Variants in COL5A3 observed in about 807,000 individuals in gnomAD.
COL5A3 encodes the protein collagen alpha-3(V) chain.
COL5A3 carries 172 observed loss-of-function variants against 250.0 expected under a neutral mutation model. The ratio of observed to expected loss-of-function variants is 0.69; its 90% CI spans 0.61 to 0.78. COL5A3 has a LOEUF of 0.78. Among genes scored for constraint, COL5A3 ranks in the 30% least tolerant of loss-of-function variants. The pLI, the probability that COL5A3 is intolerant of heterozygous loss-of-function variation, is 0.00. For synonymous variants in COL5A3, 937 were observed against 900.4 expected (o/e 1.04, Z -0.73); for missense variants, 2,340 against 2,334.4 (o/e 1.00, Z -0.05).
chr19:10,001,793 G>A lies in COL5A3; in HGVS notation c.938C>T (p.Thr313Ile), dbSNP rs866950295. The A allele has an allele frequency of 2.5e-6, 4 of 1,614,100 alleles. No individual in the cohort carries two copies. Among genetic ancestry groups the A allele is most frequent in the Middle Eastern group, 1.6e-4 (1 of 6,062 alleles). ...CTCTAGGATCGTGGCATTGAGTCCA[G>A]TAGTCACAGTGGAGGTGACGACCAA... ...TPLVVTSTVT[T>I]GLNATILERS... Residue 313 changes from threonine to isoleucine, a missense_variant, in exon 7 of 67, where the codon ACT (threonine) becomes ATT (isoleucine). By Grantham distance (89) the Thr-to-Ile change is moderately conservative (BLOSUM62 -1). Transcript: ENST00000264828.
rs1195407609 is a variant in COL5A3 at position 9,966,424 on chromosome 19, C to G, written c.4672G>C (p.Glu1558Gln). Reference sequence around the variant, plus strand: ...CCCTGGTTGGGGTCAATCCAGTATTCCCCTGCCGCAGAGCCAGGCAGGGTG... The same window carrying G: ...CCCTGGTTGGGGTCAATCCAGTATTGCCCTGCCGCAGAGCCAGGCAGGGTG... ...HRNHPHLPDG[E>Q]YWIDPNQGCA... Residue 1558 changes from glutamate to glutamine, a missense_variant and splice_region_variant, in exon 64 of 67, where the codon GAA becomes CAA. This residue lies in a region of COL5A3 where 1,179 missense variants were observed against 1,162.6 expected (regional missense o/e 1.01). Transcript: ENST00000264828. 1.3e-6 allele frequency: 2 copies of G among 1,594,382 alleles called. No homozygotes were observed. The highest frequency in any genetic ancestry group is 2.7e-5 in the African/African-American group (2 of 74,664).
chr19:9,980,166 G>T, intron 35 of COL5A3, 119 bp from the exon 36 acceptor site: 1 of 957,928 alleles, frequency 1.0e-6, no homozygotes, highest in Non-Finnish European at 1.5e-6. Context: ...GCCAGGCATG[G>T]GCAGGGCATT....
chr19:9,964,238 A>G (rs1230134598), intron 64 of COL5A3, among the ~76,000 whole-genome samples: 1 of 152,162 alleles, frequency 6.6e-6, no homozygotes, highest in Non-Finnish European at 1.5e-5. Flanking sequence ...CCAGTGCTTT[A>G]GGTTACAGTG....
In COL5A3 at chr19:9,992,857, G is replaced by A. The variant is rs1296155136; in HGVS notation, c.1818C>T (p.Pro606=). Residue 606 remains proline (P), a synonymous_variant, in exon 21 of 67, where the codon CCC becomes CCT. Transcript: ENST00000264828. Reference sequence around the variant, plus strand: ...GACCCGTGGGGCCAGGAGAGCCTCTGGGGCCAAGCAGTCCTCGTGGACCCT... The same window carrying A: ...GACCCGTGGGGCCAGGAGAGCCTCTAGGGCCAAGCAGTCCTCGTGGACCCT... ...GEPGPRGLLG[P]RGSPGPTGRP... is the part of the protein sequence containing the mutation. The A allele has an allele frequency of 2.4e-5, 39 of 1,614,164 alleles. No individual in the cohort carries two copies. Among genetic ancestry groups the A allele is most frequent in the Non-Finnish European group, 3.2e-5 (38 of 1,179,986 alleles).
At position 9,977,438 on chromosome 19, in the gene COL5A3, T is replaced by C. The variant is rs575305439; in HGVS notation, c.3161A>G (p.Asp1054Gly). The change falls in exon 43 of 67, where the codon GAT (aspartate) becomes GGT (glycine). Residue 1054 changes from aspartate (D) to glycine (G), a missense_variant. Physicochemically the swap from Asp to Gly is moderately conservative, Grantham distance 94 (BLOSUM62 -1). Coordinates refer to ENST00000264828, the MANE Select transcript of COL5A3 (RefSeq NM_015719.4). ...AGGCCCCAGGGGCCCTGGGATCCCA[T>C]CTTTGCCAGTGGGGCCAGGGGGGCC... ...ERGPPGPTGKDGIPGPLGPLG... is the reference protein window; with the variant it reads ...ERGPPGPTGKGGIPGPLGPLG... 17 of 1,523,040 alleles carry C rather than the reference T, an allele frequency of 1.1e-5. No homozygotes were observed. In the African/African-American group the frequency reaches 1.4e-4, roughly 12 times the overall value. The allele number at this position is 1,523,040 out of a possible 1,614,324, so 94.3% of individuals were successfully genotyped here.
chr19:9,973,057 G>T, intron 50 of COL5A3, 31 bp from the exon 51 acceptor site: 1 of 1,555,592 alleles, frequency 6.4e-7, no homozygotes, highest in Non-Finnish European at 8.8e-7. Context: ...GGTCAGAGTG[G>T]CCTGGACTCT....
intron 61 of COL5A3, 89 bp from the exon 62 acceptor site, chr19:9,967,489 ACACACT>A (rs2086769728): frequency 6.1e-6 from 5 of 821,442 alleles, no homozygotes; most frequent in Admixed American, 6.5e-5. Flanking sequence ...ACACTCACAC[ACACACT>A]CACACACACA....
At chr19:9,996,855 G>A in intron 11 of COL5A3, 166 bp from the exon 12 acceptor site, 1 of 599,404 alleles carries the variant, frequency 1.7e-6, no homozygotes. Context: ...GAGAAGTAGA[G>A]AGAAGTGGAA....
intron 11 of COL5A3, 79 bp from the exon 12 acceptor site, chr19:9,996,768 G>C: frequency 9.2e-7 from 1 of 1,091,780 alleles, no homozygotes; most frequent in Non-Finnish European, 1.3e-6. Flanking sequence ...GGCACAGAAG[G>C]ATGAGTCAGA....
chr19:10,001,445 C>A, intron 8 of COL5A3, 79 bp downstream of exon 8: 1 of 1,458,472 alleles, frequency 6.9e-7, no homozygotes, highest in South Asian at 1.4e-5. Flanking sequence ...CTGCGCCCTG[C>A]CTAAATAAAT....
At chr19:10,005,244 C>T (rs958829890) in intron 4 of COL5A3, among the ~76,000 whole-genome samples, 1 of 151,886 alleles carries the variant, frequency 6.6e-6, no homozygotes, top group Admixed American at 6.6e-5. Context: ...GTAATCTCAG[C>T]TACTTGGGAG....
In COL5A3 at chr19:9,986,733, T is replaced by C. The variant is rs1264183481; in HGVS notation, c.2171A>G (p.Gln724Arg). 5 of 1,612,598 alleles carry C rather than the reference T, an allele frequency of 3.1e-6. No homozygotes were observed. Among genetic ancestry groups the C allele is most frequent in the Admixed American group, 1.7e-5 (1 of 59,820 alleles). The change falls in exon 28 of 67, where the codon CAG (glutamine) becomes CGG (arginine). Residue 724 changes from glutamine to arginine, a missense_variant. Physicochemically the swap from Gln to Arg is conservative, Grantham distance 43. Coordinates refer to ENST00000264828, the MANE Select transcript of COL5A3 (RefSeq NM_015719.4). ...CCTCACCTTCTCGCCTTTCTCCCCC[T>C]GGAGGCCCCGGTTGCCTGAAGTGCC... Reference protein sequence around the residue: ...VKGTSGNRGLQGEKGEKGEDG... With the variant: ...VKGTSGNRGLRGEKGEKGEDG...
Position 9,996,056 on chromosome 19 carries a change from C to G in COL5A3, c.1533+10G>C, listed in dbSNP as rs1302646782. The G allele has an allele frequency of 3.2e-6, 5 of 1,563,208 alleles. No individual in the cohort carries two copies. Among genetic ancestry groups the G allele is most frequent in the East Asian group, 2.3e-5 (1 of 44,358 alleles). On this transcript the variant is annotated intron_variant, in intron 15 of 66. Transcript: ENST00000264828. Reference sequence around the variant, plus strand: ...CCCATCCTATCCTGCCCTATCTCCACAAGTCTCACCTGTGGCCCTTCTGCT... The same window carrying G: ...CCCATCCTATCCTGCCCTATCTCCAGAAGTCTCACCTGTGGCCCTTCTGCT...
intron 24 of COL5A3, among the ~76,000 whole-genome samples, chr19:9,990,557 A>C (rs775009191): frequency 6.9e-6 from 1 of 145,242 alleles, no homozygotes; most frequent in Non-Finnish European, 1.5e-5. Flanking sequence ...CACAAAGATA[A>C]TAAATAAAAT....
In COL5A3 at chr19:9,980,704, T is replaced by A. The variant is rs748167982; in HGVS notation, c.2560-12A>T. The A allele has an allele frequency of 1.9e-6, 3 of 1,612,182 alleles. No individual in the cohort carries two copies. Among genetic ancestry groups the A allele is most frequent in the South Asian group, 2.2e-5 (2 of 90,978 alleles). On this transcript the variant is annotated splice_polypyrimidine_tract_variant and intron_variant, in intron 34 of 66. Coordinates refer to ENST00000264828, the MANE Select transcript of COL5A3 (RefSeq NM_015719.4). ...TGGCCCACATCGCCCTAGGACAGAGTGAATGAGACTCAGGCCCCAGAACAA... is the reference window on the plus strand; with the variant it reads ...TGGCCCACATCGCCCTAGGACAGAGAGAATGAGACTCAGGCCCCAGAACAA...
intron 1 of COL5A3, among the ~76,000 whole-genome samples, chr19:10,006,811 C>T (rs557783689): frequency 1.3e-5 from 2 of 151,770 alleles, no homozygotes; most frequent in African/African-American, 4.8e-5. Flanking sequence ...CCCCCTCTGA[C>T]CTTCTGATCT....
rs2086804459 is a variant in COL5A3, at chr19:9,969,936, G to A, written c.3937-14C>T. On this transcript the variant is annotated splice_polypyrimidine_tract_variant and intron_variant, in intron 54 of 66. Coordinates refer to ENST00000264828, the MANE Select transcript of COL5A3 (RefSeq NM_015719.4). The stretch of plus-strand genomic sequence containing the variant: ...GCCTGAAGGACCCTTGGAAGGGAAA[G>A]ACAGTGAGGGGGGTCTAGGGGCTGA... 6.4e-7 allele frequency: 1 copy of A among 1,564,440 alleles called. No homozygotes were observed. Among genetic ancestry groups the A allele is most frequent in the Non-Finnish European group, 8.6e-7 (1 of 1,159,340 alleles).
intron 53 of COL5A3, 95 bp downstream of exon 53, chr19:9,970,880 T>C: frequency 3.3e-6 from 4 of 1,215,276 alleles, no homozygotes; most frequent in Non-Finnish European, 4.5e-6. Flanking sequence ...GGGCCTTGGG[T>C]ACCCCACTAG....
At chr19:9,970,103 A>G (rs563583841) in intron 54 of COL5A3, among the ~76,000 whole-genome samples, 181 bp from the exon 55 acceptor site, 24 of 7,232 alleles carry the variant, frequency 3.3e-3, no homozygotes, top group African/African-American at 0.012. Context: ...GGCTGAGTGG[A>G]GGCTGTGGGT....
Sources: allele counts gnomAD v4.1 joint callset (sites outside exome capture counted in the v4.1 genomes callset), GRCh38; gene constraint gnomAD v4.1.1; regional missense constraint gnomAD v4.1.1; transcripts MANE v1.5; gene names NCBI Gene and HGNC (gene_info 2026-07-23, HGNC 2026-07-21).